Variants in WDR48 observed in about 807,000 individuals in gnomAD.
The protein encoded by WDR48 is WD repeat domain 48, also known as WD repeat-containing protein 48.
Under a neutral mutation model 94.0 loss-of-function variants are expected in WDR48, and 22 were observed. That is an observed-to-expected ratio of 0.23 (90% CI 0.17 to 0.33). WDR48 has a LOEUF of 0.33. WDR48 is among the 10% of genes least tolerant of loss of function. The pLI is 1.00. For synonymous variants in WDR48, 278 were observed against 280.5 expected, an observed-to-expected ratio of 0.99 and a Z score of 0.09; for missense variants, 541 against 813.8, an observed-to-expected ratio of 0.66 and a Z score of 4.08.
intron 11 of WDR48, among the ~76,000 whole-genome samples, chr3:39,081,710 G>T (rs754126023): frequency 1.6e-4 from 25 of 152,308 alleles, no homozygotes; most frequent in Middle Eastern, 3.4e-3. Flanking sequence ...ATACCCAAGA[G>T]AATCTGATCA....
At chr3:39,085,430 A>G in intron 13 of WDR48, 85 bp from the exon 14 acceptor site, 3 of 1,096,210 alleles carry the variant, frequency 2.7e-6, no homozygotes, top group South Asian at 2.7e-5. Flanking sequence ...AATATGTACA[A>G]ACTTACAATT....
chr3:39,055,844 GA>G (rs200278421), intron 1 of WDR48, among the ~76,000 whole-genome samples: 2 of 151,818 alleles, frequency 1.3e-5, no homozygotes, highest in South Asian at 2.1e-4. Context: ...AGTGCTTGGG[GA>G]AAAAAAATAC....
chr3:39,094,764 G>A lies in WDR48; in HGVS notation c.*21G>A, dbSNP rs1416064558. On this transcript the variant is annotated 3_prime_UTR_variant, in exon 19 of 19. Transcript: ENST00000302313. ...CGTGAAGGCTGGGCTAATGCTCCTG[G>A]ATATTCATTTACGACCTTCCTCTAT... 2 of 1,613,544 alleles carry A rather than the reference G, an allele frequency of 1.2e-6. No individual in the cohort carries two copies. Among genetic ancestry groups the A allele is most frequent in the South Asian group, 2.2e-5 (2 of 90,976 alleles).
At chr3:39,084,511 T>C in intron 12 of WDR48, 134 bp from the exon 13 acceptor site, 1 of 711,990 alleles carries the variant, frequency 1.4e-6, no homozygotes, top group Non-Finnish European at 2.2e-6. Flanking sequence ...TTGCATTGAA[T>C]CACACAAAAC....
chr3:39,058,663 A>G (rs1264819518), intron 1 of WDR48, among the ~76,000 whole-genome samples: 2 of 152,246 alleles, frequency 1.3e-5, no homozygotes, highest in Admixed American at 6.5e-5. Context: ...AATTCATGCA[A>G]TGATACGTAT....
At chr3:39,064,199 C>G (rs571426606) in intron 2 of WDR48, among the ~76,000 whole-genome samples, 4 of 151,964 alleles carry the variant, frequency 2.6e-5, no homozygotes, top group Admixed American at 1.3e-4. Flanking sequence ...GCCATACGCT[C>G]TTTGCATTTT....
At chr3:39,065,292 T>G (rs1256975020) in intron 2 of WDR48, among the ~76,000 whole-genome samples, 1 of 152,150 alleles carries the variant, frequency 6.6e-6, no homozygotes, top group East Asian at 1.9e-4. Flanking sequence ...GAGGAAAACA[T>G]TTAATTCAGA....
At chr3:39,069,572 T>C (rs543595718) in intron 6 of WDR48, 71 bp from the exon 7 acceptor site, 42 of 1,299,706 alleles carry the variant, frequency 3.2e-5, no homozygotes, top group Non-Finnish European at 4.0e-5. Context: ...ATTTGACTTA[T>C]GAGAGTTGTC....
chr3:39,064,893 T>A (rs1015597104), intron 2 of WDR48, among the ~76,000 whole-genome samples: 3 of 152,256 alleles, frequency 2.0e-5, no homozygotes, highest in East Asian at 3.8e-4. Context: ...TTGGTACTTA[T>A]AATTGAATTG....
chr3:39,054,741 G>T (rs2032742780), intron 1 of WDR48, among the ~76,000 whole-genome samples: 1 of 152,182 alleles, frequency 6.6e-6, no homozygotes, highest in Non-Finnish European at 1.5e-5. Flanking sequence ...AAGAAAAGAG[G>T]CATAATTGGC....
intron 14 of WDR48, chr3:39,087,861 A>ATG (rs768248072): frequency 5.6e-6 from 2 of 357,656 alleles, no homozygotes; most frequent in Non-Finnish European, 1.0e-5. Flanking sequence ...GTAGCTGGTT[A>ATG]TGTTTTTGTT....
chr3:39,083,182 T>C (rs2034625906), intron 11 of WDR48, among the ~76,000 whole-genome samples: 1 of 151,826 alleles, frequency 6.6e-6, no homozygotes, highest in African/African-American at 2.4e-5. Flanking sequence ...GTGAGTTGAG[T>C]AGTGATTTGA....
chr3:39,072,804 C>T (rs1010423823), intron 7 of WDR48, among the ~76,000 whole-genome samples: 11 of 152,210 alleles, frequency 7.2e-5, no homozygotes, highest in Admixed American at 5.9e-4. Context: ...TAAAACAGGA[C>T]ATTCTTTAAT....
intron 2 of WDR48, 24 bp from the exon 3 acceptor site, chr3:39,065,787 T>A (rs2033566633): frequency 9.8e-6 from 15 of 1,536,776 alleles, no homozygotes; most frequent in Non-Finnish European, 1.2e-5. Context: ...ATATAAACTC[T>A]TAGGATTTTT....
chr3:39,056,676 G>A (rs1401106845), intron 1 of WDR48, among the ~76,000 whole-genome samples: 3 of 152,240 alleles, frequency 2.0e-5, no homozygotes, highest in African/African-American at 7.2e-5. Flanking sequence ...TTCAAGAGCT[G>A]AGAGAATTGC....
chr3:39,089,218 G>GA lies in WDR48; in HGVS notation c.1581-13_1581-12insA. 6.2e-7 allele frequency: 1 copy of GA among 1,609,328 alleles called. No individual in the cohort carries two copies. Among genetic ancestry groups the GA allele is most frequent in the Non-Finnish European group, 8.5e-7 (1 of 1,177,794 alleles). On this transcript the variant is annotated splice_polypyrimidine_tract_variant and intron_variant, in intron 15 of 18. Coordinates refer to ENST00000302313, the MANE Select transcript of WDR48 (RefSeq NM_020839.4). ...CTTGTTGGGTTACTTACTACTTGAT[G>GA]GTTTATGTTTAGGCTGCTCTGCCGA...
chr3:39,093,518 G>A (rs1447467921), intron 17 of WDR48, among the ~76,000 whole-genome samples: 1 of 152,136 alleles, frequency 6.6e-6, no homozygotes, highest in Admixed American at 6.6e-5. Flanking sequence ...TTTTAGTAGA[G>A]ACGGGATTTC....
At chr3:39,052,147 G>A (rs147562907) in intron 1 of WDR48, 74 bp downstream of exon 1, 17,128 of 1,582,960 alleles carry the variant, frequency 0.011, 133 homozygotes, top group Non-Finnish European at 0.013. Flanking sequence ...GAAGGTGCCC[G>A]GCGCCACGAC....
At chr3:39,066,426 A>C in intron 3 of WDR48, 122 bp from the exon 4 acceptor site, 1 of 809,966 alleles carries the variant, frequency 1.2e-6, no homozygotes, top group Non-Finnish European at 1.9e-6. Flanking sequence ...GCTTTTAGGT[A>C]TGTTTGTGTG....
Sources: allele counts gnomAD v4.1 joint callset (sites outside exome capture counted in the v4.1 genomes callset), GRCh38; gene constraint gnomAD v4.1.1; transcripts MANE v1.5; gene names NCBI Gene and HGNC (gene_info 2026-07-23, HGNC 2026-07-21).